NBAS: variants seen among roughly 807,000 people sequenced by gnomAD.
NBAS encodes NBAS subunit of NRZ tethering complex, also known as NAG/BC035112 fusion.
In NBAS, 219 loss-of-function variants were observed where a neutral mutation model predicts 302.5. The ratio of observed to expected loss-of-function variants is 0.72; its 90% CI spans 0.65 to 0.81. NBAS has a LOEUF of 0.81. NBAS is among the 30% of genes least tolerant of loss of function. The pLI is 0.00. For synonymous variants in NBAS, 1,118 were observed against 1,021.6 expected (o/e 1.09, Z -1.80); for missense variants, 2,932 against 2,841.6 (o/e 1.03, Z -0.72).
chr2:15,190,034 A>T (rs1665273320), intron 49 of NBAS, among the ~76,000 whole-genome samples: 1 of 152,236 alleles, frequency 6.6e-6, no homozygotes. Context: ...ATCAGATATT[A>T]TCAAGCATTG....
At chr2:15,525,728 A>G (rs966696367) in intron 9 of NBAS, among the ~76,000 whole-genome samples, 13 of 152,198 alleles carry the variant, frequency 8.5e-5, no homozygotes, top group Non-Finnish European at 1.6e-4. Flanking sequence ...TCAAACACTA[A>G]CTAACTTTTT....
At position 15,275,713 on chromosome 2, in the gene NBAS, T is replaced by C; in HGVS notation, c.5495A>G (p.Lys1832Arg). The C allele has an allele frequency of 6.2e-7, 1 of 1,614,192 alleles. No individual in the cohort carries two copies. The highest frequency in any genetic ancestry group is 1.1e-5 in the South Asian group (1 of 91,074). ...CATCTGTCCATCCTTTTCAGGGATT[T>C]TGGGAACAAGTTTGGAAATAGACAA... ...NILSISKLVP[K>R]IPEKDGQMLS... The change falls in exon 44 of 52, where the codon AAA (lysine) becomes AGA (arginine). Residue 1832 changes from lysine (K) to arginine (R), a missense_variant. Coordinates refer to ENST00000281513, the MANE Select transcript of NBAS (RefSeq NM_015909.4).
chr2:15,442,310 C>T (rs1348262733), intron 21 of NBAS, among the ~76,000 whole-genome samples: 2 of 149,078 alleles, frequency 1.3e-5, no homozygotes, highest in Non-Finnish European at 3.0e-5. Context: ...ATCTCTCAGA[C>T]CACAGTGCAA....
intron 32 of NBAS, among the ~76,000 whole-genome samples, chr2:15,358,811 G>A (rs1673754193): frequency 6.6e-6 from 1 of 152,066 alleles, no homozygotes; most frequent in African/African-American, 2.4e-5. Context: ...AAATTACTAT[G>A]CTAGCCAACA....
chr2:14,821,148 G>C, the NBAS span, among the ~76,000 whole-genome samples: 2 of 151,950 alleles, frequency 1.3e-5, no homozygotes, highest in Admixed American at 6.6e-5. Context: ...GAATGGTCTC[G>C]ATCTCCTGAC....
chr2:15,247,048 T>C (rs764571992), intron 44 of NBAS, among the ~76,000 whole-genome samples: 14 of 152,040 alleles, frequency 9.2e-5, no homozygotes, highest in Non-Finnish European at 1.6e-4. Flanking sequence ...CAAGAGTGAA[T>C]AGAAACTAAG....
chr2:15,018,086 A>G, the NBAS span, among the ~76,000 whole-genome samples: 1 of 152,034 alleles, frequency 6.6e-6, no homozygotes, highest in Non-Finnish European at 1.5e-5. Context: ...AACTTAAAAA[A>G]AGTGGATCTC....
the NBAS span, among the ~76,000 whole-genome samples, chr2:15,066,752 G>A: frequency 8.4e-4 from 128 of 152,240 alleles, no homozygotes; most frequent in African/African-American, 3.1e-3. Flanking sequence ...TTAATTTTTG[G>A]TGGGAATGTA....
At chr2:15,457,664 C>T (rs1468101453) in intron 21 of NBAS, among the ~76,000 whole-genome samples, 1 of 152,168 alleles carries the variant, frequency 6.6e-6, no homozygotes, top group African/African-American at 2.4e-5. Flanking sequence ...CATGCACGTT[C>T]GAGGTGCCCA....
chr2:15,269,771 C>A (rs1385074490), intron 44 of NBAS, among the ~76,000 whole-genome samples: 1 of 152,152 alleles, frequency 6.6e-6, no homozygotes, highest in African/African-American at 2.4e-5. Flanking sequence ...GCAACCTAGA[C>A]CAACAGTTTT....
At chr2:14,816,016 C>A in the NBAS span, among the ~76,000 whole-genome samples, 5 of 152,188 alleles carry the variant, frequency 3.3e-5, no homozygotes, top group Non-Finnish European at 5.9e-5. Flanking sequence ...GGTCTCCCTG[C>A]CTTTATTCTT....
intron 11 of NBAS, among the ~76,000 whole-genome samples, chr2:15,496,609 G>C (rs1341809728): frequency 2.6e-5 from 4 of 151,754 alleles, no homozygotes; most frequent in Admixed American, 6.6e-5. Context: ...GAGAGGGAGG[G>C]AGAAGGAGAG....
chr2:15,421,130 G>A, intron 23 of NBAS, among the ~76,000 whole-genome samples: 1 of 151,990 alleles, frequency 6.6e-6, no homozygotes. Context: ...TTTATAGCAA[G>A]TTTTTAAAAA....
At chr2:14,985,777 A>T in the NBAS span, among the ~76,000 whole-genome samples, 1 of 152,224 alleles carries the variant, frequency 6.6e-6, no homozygotes, top group Non-Finnish European at 1.5e-5. Flanking sequence ...TGAATTTCTG[A>T]ATCCTTTATA....
chr2:15,365,574 T>C (rs1674157394), intron 32 of NBAS, among the ~76,000 whole-genome samples: 1 of 152,188 alleles, frequency 6.6e-6, no homozygotes, highest in Non-Finnish European at 1.5e-5. Context: ...TCCCCATTCA[T>C]TCCAGATGTC....
chr2:14,937,303 C>T, the NBAS span, among the ~76,000 whole-genome samples: 1 of 152,186 alleles, frequency 6.6e-6, no homozygotes, highest in Non-Finnish European at 1.5e-5. Flanking sequence ...AGCAGGTGTA[C>T]TGTGCACTGG....
the NBAS span, among the ~76,000 whole-genome samples, chr2:14,860,868 A>C: frequency 6.6e-6 from 1 of 152,194 alleles, no homozygotes; most frequent in Admixed American, 6.5e-5. Context: ...TAGCATAAAG[A>C]AAAGACAAAA....
chr2:15,246,137 C>T (rs1263743317), intron 44 of NBAS, among the ~76,000 whole-genome samples: 1 of 151,988 alleles, frequency 6.6e-6, no homozygotes, highest in Non-Finnish European at 1.5e-5. Context: ...CCTTAGATTC[C>T]CATTTTTAAA....
chr2:15,362,487 A>T (rs1673982687), intron 32 of NBAS, among the ~76,000 whole-genome samples: 1 of 152,164 alleles, frequency 6.6e-6, no homozygotes. Context: ...CAGCCTGGGC[A>T]ACAGAGCAAG....
Sources: allele counts gnomAD v4.1 joint callset (sites outside exome capture counted in the v4.1 genomes callset), GRCh38; gene constraint gnomAD v4.1.1; transcripts MANE v1.5; gene names NCBI Gene and HGNC (gene_info 2026-07-23, HGNC 2026-07-21).